The following TTN variants were observed in gnomAD, a reference collection of about 807,000 sequenced individuals.
TTN encodes the protein connectin.
Under a neutral mutation model 3,223.0 loss-of-function variants are expected in TTN, and 1,525 were observed. The observed-to-expected ratio is 0.47, with a 90% CI of 0.45 to 0.49. The LOEUF (loss-of-function observed/expected upper bound fraction) is 0.49. Ranked by LOEUF, TTN falls within the 20% of genes least tolerant of loss-of-function variation. The probability of loss-of-function intolerance (pLI) is 0.00; values close to 1 mark genes in which losing one functional copy is unlikely to be tolerated. For synonymous variants in TTN, 14,094 were observed against 15,161.0 expected (o/e 0.93, Z 5.17); for missense variants, 40,786 against 43,424.0 (o/e 0.94, Z 5.40).
In TTN at chr2:178,604,142, G is replaced by A. The variant is rs1470054004; in HGVS notation, c.54545C>T (p.Ser18182Leu). 1.2e-6 allele frequency: 2 copies of A among 1,612,296 alleles called. No individual in the cohort carries two copies. The highest frequency in any genetic ancestry group is 1.1e-5 in the South Asian group (1 of 90,936). ...AGGAGGAGTCCAGCTCACTAGCATTGATCCTTTGGTGCGTGCCAAAACTTT... is the reference window on the plus strand; with the variant it reads ...AGGAGGAGTCCAGCTCACTAGCATTAATCCTTTGGTGCGTGCCAAAACTTT... ...KPKVLARTKG[S>L]MLVSWTPPLD... The change falls in exon 282 of 363, where the codon TCA (serine) becomes TTA (leucine). Residue 18182 changes from serine (S) to leucine (L), a missense_variant. Transcript: ENST00000589042.
At chr2:178,700,563 C>G (rs1490524965) in intron 111 of TTN, among the ~76,000 whole-genome samples, 1 of 152,220 alleles carries the variant, frequency 6.6e-6, no homozygotes, top group African/African-American at 2.4e-5. Context: ...TACAACTTCT[C>G]TACTGAGTAT....
intron 47 of TTN, chr2:178,749,799 G>T: frequency 6.2e-7 from 1 of 1,613,078 alleles, no homozygotes. Flanking sequence ...TTCTGGTTCT[G>T]CTTTAAAAGG....
chr2:178,580,395 A>G lies in TTN; in HGVS notation c.66984T>C (p.Asp22328=), dbSNP rs778439748. The G allele has an allele frequency of 6.2e-7, 1 of 1,613,238 alleles. No homozygotes were observed. Among genetic ancestry groups the G allele is most frequent in the African/African-American group, 1.3e-5 (1 of 74,996 alleles). ...CCAGGGTTAAGATATATTTTCCTGC[A>G]TCATATTTGTTCACATTTTCACAGC... is the stretch of plus-strand genomic sequence containing the variant. ...FLRCENVNKY[D]AGKYILTLEN... Residue 22328 remains aspartate (D), a synonymous_variant, in exon 317 of 363, where the codon GAT becomes GAC. Transcript: ENST00000589042.
Position 178,548,435 on chromosome 2 carries a change from T to G in TTN, c.93191A>C (p.Gln31064Pro). Residue 31064 changes from glutamine to proline, a missense_variant, in exon 339 of 363, where the codon CAG becomes CCG. Gln to Pro is a moderately conservative substitution (Grantham distance 76). Transcript: ENST00000589042. The surrounding 1 kb of genome is among the most constrained non-coding windows in gnomAD (Gnocchi z 4.3). The stretch of plus-strand genomic sequence containing the variant: ...ACGAGTGCATTTTTCACTGATAACC[T>G]GCCAACTACGGCGACTTGCCTCTCG... ...EKREASRRSWQVISEKCTRQI... is the reference protein window; with the variant it reads ...EKREASRRSWPVISEKCTRQI... 6.2e-7 allele frequency: 1 copy of G among 1,613,874 alleles called. No homozygotes were observed. Among genetic ancestry groups the G allele is most frequent in the African/African-American group, 1.3e-5 (1 of 75,042 alleles).
In TTN at chr2:178,725,404, C is replaced by T. The variant is rs2079167703; in HGVS notation, c.20800G>A (p.Gly6934Arg). 4 of 1,600,972 alleles carry T rather than the reference C, an allele frequency of 2.5e-6. No homozygotes were observed. The highest frequency in any genetic ancestry group is 1.3e-5 in the African/African-American group (1 of 74,736). Reference sequence around the variant, plus strand: ...AGTGTGGCCATGTTCTCCCTCATTCCACCATCATTCTTGATTTGGCAGATA... The same window carrying T: ...AGTGTGGCCATGTTCTCCCTCATTCTACCATCATTCTTGATTTGGCAGATA... Reference protein sequence around the residue: ...KYICQIKNDGGMRENMATLMV... With the variant: ...KYICQIKNDGRMRENMATLMV... Residue 6934 changes from glycine (G) to arginine (R), a missense_variant, in exon 71 of 363, where the codon GGA (glycine) becomes AGA (arginine). By Grantham distance (125) the Gly-to-Arg change is moderately radical. Transcript: ENST00000589042.
rs1453168470 is a variant in TTN at position 178,575,129 on chromosome 2, T to G, written c.71003A>C (p.Lys23668Thr). The part of the protein sequence containing the change: ...LGRPKPTVTW[K>T]KGDQILKQTQ... Reference sequence around the variant, plus strand: ...CTGTTTAAGAATTTGGTCTCCTTTTTTCCATGTCACTGTGGGCTTCGGTCG... The same window carrying G: ...CTGTTTAAGAATTTGGTCTCCTTTTGTCCATGTCACTGTGGGCTTCGGTCG... Residue 23668 changes from lysine (K) to threonine (T), a missense_variant, in exon 326 of 363, where the codon AAA becomes ACA. Lys to Thr is a moderately conservative substitution (Grantham distance 78). Transcript: ENST00000589042. The surrounding 1 kb of genome is among the most constrained non-coding windows in gnomAD (Gnocchi z 4.0). 1 of 1,613,002 alleles carries G rather than the reference T, an allele frequency of 6.2e-7. No homozygotes were observed. The highest frequency in any genetic ancestry group is 1.1e-5 in the South Asian group (1 of 91,012).
intron 117 of TTN, 39 bp from the exon 118 acceptor site, chr2:178,694,047 TAG>T: frequency 2.0e-6 from 3 of 1,496,016 alleles, no homozygotes; most frequent in Non-Finnish European, 2.8e-6. Context: ...TCCTTTTTTT[TAG>T]TACAAGACAT....
At chr2:178,749,354 G>C in intron 47 of TTN, 1 of 1,612,806 alleles carries the variant, frequency 6.2e-7, no homozygotes. Context: ...AGCCCTGATG[G>C]GCTTGCTGAT....
At position 178,679,691 on chromosome 2, in the gene TTN, A is replaced by G. The variant is rs748917014; in HGVS notation, c.33581-9T>C. ...CCTGGGTACCTCAGGCACTTTAAAGATATTATTAAGAATGTTGGAAATTTT... is the reference window on the plus strand; with the variant it reads ...CCTGGGTACCTCAGGCACTTTAAAGGTATTATTAAGAATGTTGGAAATTTT... On this transcript the variant is annotated splice_polypyrimidine_tract_variant and intron_variant, in intron 140 of 362. Transcript: ENST00000589042. The G allele has an allele frequency of 1.2e-6, 2 of 1,601,798 alleles. No homozygotes were observed. Among genetic ancestry groups the G allele is most frequent in the South Asian group, 1.1e-5 (1 of 88,208 alleles).
Position 178,531,375 on chromosome 2 carries a change from C to T in TTN, c.105240G>A (p.Arg35080=). Residue 35080 remains arginine (R), a synonymous_variant, in exon 358 of 363, where the codon AGG becomes AGA. Coordinates refer to ENST00000589042, the MANE Select transcript of TTN (RefSeq NM_001267550.2). ...TCTCCGTCATCTGTGATTTCACTTC[C>T]CTGACAGAAGACGAAGCTTCCATCT... ...TSEMEASSSV[R]EVKSQMTETR... is the part of the protein sequence containing the mutation. 6.2e-7 allele frequency: 1 copy of T among 1,613,964 alleles called. No homozygotes were observed. Among genetic ancestry groups the T allele is most frequent in the Non-Finnish European group, 8.5e-7 (1 of 1,179,882 alleles).
chr2:178,732,755 A>G (rs1193390416), intron 55 of TTN, 37 bp from the exon 56 acceptor site: 3 of 1,564,042 alleles, frequency 1.9e-6, no homozygotes, highest in Non-Finnish European at 2.6e-6. Flanking sequence ...TCAAAGAGTT[A>G]AGAGGGTTGA....
chr2:178,616,884 A>G lies in TTN; in HGVS notation c.48005T>C (p.Val16002Ala). The G allele has an allele frequency of 6.2e-7, 1 of 1,612,676 alleles. No homozygotes were observed. ...PTATWCFGDK[V>A]LETGDRVKMK... The stretch of plus-strand genomic sequence containing the variant: ...TTTCACCCGGTCCCCTGTTTCTAGT[A>G]CTTTATCTCCAAAACACCAGGTTGC... Residue 16002 changes from valine (V) to alanine (A), a missense_variant, in exon 256 of 363, where the codon GTA becomes GCA. Coordinates refer to ENST00000589042, the MANE Select transcript of TTN (RefSeq NM_001267550.2).
Position 178,553,544 on chromosome 2 carries a change from G to A in TTN, c.89461C>T (p.Pro29821Ser). ...TGTACAGGTTCATTCATTTCTATAGGTTCTCCTTGTCCAGCACAGTTTACA... is the reference window on the plus strand; with the variant it reads ...TGTACAGGTTCATTCATTTCTATAGATTCTCCTTGTCCAGCACAGTTTACA... ...SAVNCAGQGE[P>S]IEMNEPVQAK... Residue 29821 changes from proline to serine, a missense_variant, in exon 334 of 363, where the codon CCT becomes TCT. Coordinates refer to ENST00000589042, the MANE Select transcript of TTN (RefSeq NM_001267550.2). 6.2e-7 allele frequency: 1 copy of A among 1,613,714 alleles called. No individual in the cohort carries two copies. Among genetic ancestry groups the A allele is most frequent in the Non-Finnish European group, 8.5e-7 (1 of 1,179,736 alleles).
rs192553687 is a variant in TTN, at chr2:178,729,022, T to C, written c.19016A>G (p.Tyr6339Cys). 590 of 1,613,024 alleles carry C rather than the reference T, an allele frequency of 3.7e-4. No homozygotes were observed. The highest frequency in any genetic ancestry group is 4.7e-4 in the Non-Finnish European group (557 of 1,179,516). The change falls in exon 65 of 363, where the codon TAT becomes TGT. Residue 6339 changes from tyrosine (Y) to cysteine (C), a missense_variant. Coordinates refer to ENST00000589042, the MANE Select transcript of TTN (RefSeq NM_001267550.2). ...GGCCACACTGTCCACAAATGAAATA[T>C]AGACATTATCATCTTCATCAAGAAT... ...DQILDEDDNV[Y>C]ISFVDSVATL...
rs1303551225 is a variant in TTN at position 178,560,474 on chromosome 2, G to A, written c.85658C>T (p.Pro28553Leu). The A allele has an allele frequency of 2.5e-6, 4 of 1,613,210 alleles. No individual in the cohort carries two copies. In the East Asian group the frequency reaches 6.7e-5, roughly 27 times the overall value. Residue 28553 changes from proline (P) to leucine (L), a missense_variant, in exon 326 of 363, where the codon CCA becomes CTA. Pro to Leu is a moderately conservative substitution (Grantham distance 98). Transcript: ENST00000589042. ...AGAAGTAATTTCCAAAGACGTGGGT[G>A]GACTTGGAACTGTAAATGGATCTAG... ...KALDPFTVPS[P>L]PTSLEITSVT... is the part of the protein sequence containing the mutation.
At position 178,654,267 on chromosome 2, in the gene TTN, A is replaced by G. The variant is rs747414237; in HGVS notation, c.38321T>C (p.Val12774Ala). 95 of 1,599,600 alleles carry G rather than the reference A, an allele frequency of 5.9e-5. 3 individuals carry two copies. Among genetic ancestry groups the G allele is most frequent in the Non-Finnish European group, 8.0e-5 (94 of 1,177,754 alleles). Residue 12774 changes from valine (V) to alanine (A), a missense_variant, in exon 193 of 363, where the codon GTA (valine) becomes GCA (alanine). Physicochemically the swap from Val to Ala is moderately conservative, Grantham distance 64. Transcript: ENST00000589042. Reference sequence around the variant, plus strand: ...AGCCACAGATACTTTCTTTTCAAGTACAACTTCTTTAGGAGCTTCAGGAAC... The same window carrying G: ...AGCCACAGATACTTTCTTTTCAAGTGCAACTTCTTTAGGAGCTTCAGGAAC... ...PKVPEAPKEV[V>A]LEKKVSVAVP... is the part of the protein sequence containing the mutation.
intron 308 of TTN, among the ~76,000 whole-genome samples, chr2:178,585,796 C>T (rs563057000): frequency 6.6e-6 from 1 of 152,168 alleles, no homozygotes; most frequent in South Asian, 2.1e-4. Context: ...GCGTAGTATC[C>T]TGTGGTGTAA....
Position 178,611,436 on chromosome 2 carries a change from G to A in TTN, c.50793C>T (p.Val16931=). 1.2e-6 allele frequency: 2 copies of A among 1,612,862 alleles called. No homozygotes were observed. Among genetic ancestry groups the A allele is most frequent in the Non-Finnish European group, 1.7e-6 (2 of 1,179,296 alleles). ...ATGGCTCGCTGACACCAATAGCATTGACTGCTCTCACTCTCAGGACATATT... is the reference window on the plus strand; with the variant it reads ...ATGGCTCGCTGACACCAATAGCATTAACTGCTCTCACTCTCAGGACATATT... ...DKEYVLRVRA[V]NAIGVSEPSE... The change falls in exon 269 of 363, where the codon GTC becomes GTT. Residue 16931 remains valine, a synonymous_variant. Transcript: ENST00000589042.
In TTN at chr2:178,591,348, G is replaced by A. The variant is rs772536475; in HGVS notation, c.60377C>T (p.Thr20126Ile). The change falls in exon 304 of 363, where the codon ACA becomes ATA. Residue 20126 changes from threonine to isoleucine, a missense_variant. Thr to Ile is a moderately conservative substitution (Grantham distance 89, BLOSUM62 -1). Coordinates refer to ENST00000589042, the MANE Select transcript of TTN (RefSeq NM_001267550.2). ...GSEIKTDEHY[T>I]VETDNFSSVL... ...TGATGAGAAGTTGTCTGTTTCAACTGTGTAGTGCTCATCGGTTTTAATCTC... is the reference window on the plus strand; with the variant it reads ...TGATGAGAAGTTGTCTGTTTCAACTATGTAGTGCTCATCGGTTTTAATCTC... 16 of 1,613,370 alleles carry A rather than the reference G, an allele frequency of 9.9e-6. No homozygotes were observed. Among genetic ancestry groups the A allele is most frequent in the Non-Finnish European group, 1.3e-5 (15 of 1,179,510 alleles).
Sources: allele counts gnomAD v4.1 joint callset (sites outside exome capture counted in the v4.1 genomes callset), GRCh38; gene constraint gnomAD v4.1.1; non-coding constraint Gnocchi (gnomAD v3.1); transcripts MANE v1.5; gene names NCBI Gene and HGNC (gene_info 2026-07-23, HGNC 2026-07-21).